DCDC1: variants seen among roughly 807,000 people sequenced by gnomAD.
DCDC1 encodes doublecortin domain containing 1.
Under a neutral mutation model 178.3 loss-of-function variants are expected in DCDC1, and 200 were observed. The ratio of observed to expected loss-of-function variants is 1.12; its 90% CI spans 1.00 to 1.26. DCDC1 has a LOEUF of 1.26. DCDC1 is among the 50% of genes most tolerant of loss of function. The pLI is 0.00. For missense variants in DCDC1, 1,983 were observed against 1,749.2 expected (o/e 1.13, Z -2.38); for synonymous variants, 690 against 604.8 (o/e 1.14, Z -2.07).
chr11:30,876,768 C>G (rs760863410), intron 38 of DCDC1, among the ~76,000 whole-genome samples: 2 of 151,990 alleles, frequency 1.3e-5, no homozygotes, highest in East Asian at 3.9e-4. Context: ...ACTTTTGCAC[C>G]TAGAGAGATG....
At chr11:31,037,460 T>C (rs1469406360) in intron 20 of DCDC1, among the ~76,000 whole-genome samples, 1 of 140,458 alleles carries the variant, frequency 7.1e-6, no homozygotes, top group African/African-American at 2.7e-5. Context: ...TGAGAAGGAG[T>C]CTCGCTCTGT....
intron 2 of DCDC1, among the ~76,000 whole-genome samples, chr11:31,329,843 AGT>A (rs1384083291): frequency 1.3e-5 from 2 of 152,202 alleles, no homozygotes; most frequent in African/African-American, 4.8e-5. Flanking sequence ...TATTGTGAAT[AGT>A]GCCACAATAA....
chr11:30,916,049 G>C (rs549301538), intron 26 of DCDC1, among the ~76,000 whole-genome samples: 4 of 152,112 alleles, frequency 2.6e-5, no homozygotes, highest in Non-Finnish European at 5.9e-5. Context: ...GAGAATGGGG[G>C]CAGGGGCATG....
rs59940255 is a variant in DCDC1, at chr11:30,884,033, A to ATTTTT, written c.5083-2730_5083-2726dup. Among the ~76,000 whole-genome samples, 155 of 95,772 alleles carry ATTTTT rather than the reference A, an allele frequency of 1.6e-3. 11 individuals are homozygous for ATTTTT. The South Asian group carries it at 0.027, about 17-fold the overall frequency. The allele number at this position is 95,772 out of a possible 152,430, so 62.8% of individuals were successfully genotyped here. A position where few individuals can be genotyped will look rare whatever the true frequency, so the allele number is the denominator to read the frequency against. ...AAAGAAAACCAAAGCATTCTTTCTC[A>ATTTTT]TTTTTTTTTTTTTTTGAGACAGGGT... On this transcript the variant is annotated intron_variant, in intron 36 of 38. Transcript: ENST00000684477.
intron 2 of DCDC1, among the ~76,000 whole-genome samples, chr11:31,330,518 T>C (rs1213907618): frequency 1.3e-5 from 2 of 152,228 alleles, no homozygotes; most frequent in African/African-American, 4.8e-5. Context: ...TTCTAGGGTT[T>C]TTATGGTTTT....
chr11:31,282,987 C>T (rs1449732287), intron 7 of DCDC1, among the ~76,000 whole-genome samples: 1 of 152,102 alleles, frequency 6.6e-6, no homozygotes, highest in African/African-American at 2.4e-5. Context: ...TAATGTGTTT[C>T]CTCCCCTCTG....
chr11:30,922,134 C>T (rs1946290012), intron 24 of DCDC1, among the ~76,000 whole-genome samples: 1 of 152,106 alleles, frequency 6.6e-6, no homozygotes, highest in African/African-American at 2.4e-5. Flanking sequence ...TGCTTTTTTT[C>T]TATCTTAGAG....
chr11:31,226,586 G>A (rs1470177520), intron 9 of DCDC1, among the ~76,000 whole-genome samples: 1 of 151,520 alleles, frequency 6.6e-6, no homozygotes, highest in African/African-American at 2.4e-5. Flanking sequence ...ACTATCCAAT[G>A]TTACATCAGA....
chr11:31,256,649 G>A (rs1270285789), intron 8 of DCDC1, among the ~76,000 whole-genome samples: 1 of 152,098 alleles, frequency 6.6e-6, no homozygotes, highest in Non-Finnish European at 1.5e-5. Context: ...CTTCAGCGGT[G>A]TCTAGCTGCC....
chr11:31,306,357 A>G lies in DCDC1; in HGVS notation c.466T>C (p.Ser156Pro), dbSNP rs1187480734. The G allele has an allele frequency of 1.2e-6, 2 of 1,608,056 alleles. No homozygotes were observed. The highest frequency in any genetic ancestry group is 2.2e-5 in the East Asian group (1 of 44,622). ...VAEFSSLKFQ[S>P]ARNWQKLSQR... is the part of the protein sequence containing the mutation. ...GACAATTTCTGCCAATTCCGGGCTG[A>G]CTGAAATTTTAAAGAAGAGAACTCT... The change falls in exon 5 of 39, where the codon TCA becomes CCA. Residue 156 changes from serine to proline, a missense_variant. Ser to Pro is a moderately conservative substitution (Grantham distance 74, BLOSUM62 -1). Coordinates refer to ENST00000684477, the MANE Select transcript of DCDC1 (RefSeq NM_001387274.1).
chr11:31,018,992 A>C (rs1198730133), intron 20 of DCDC1, among the ~76,000 whole-genome samples: 2 of 152,156 alleles, frequency 1.3e-5, no homozygotes, highest in Admixed American at 6.6e-5. Context: ...CAAGAGATGG[A>C]AAATAAGATG....
intron 20 of DCDC1, among the ~76,000 whole-genome samples, chr11:31,061,867 T>C (rs963091166): frequency 6.6e-6 from 1 of 152,102 alleles, no homozygotes; most frequent in African/African-American, 2.4e-5. Context: ...GGTCTTCTGG[T>C]ATGGCAGCTG....
chr11:30,931,894 G>A lies in DCDC1; in HGVS notation c.2774C>T (p.Pro925Leu). 6.2e-7 allele frequency: 1 copy of A among 1,613,042 alleles called. No individual in the cohort carries two copies. The change falls in exon 22 of 39, where the codon CCC becomes CTC. Residue 925 changes from proline (P) to leucine (L), a missense_variant. Physicochemically the swap from Pro to Leu is moderately conservative, Grantham distance 98. Coordinates refer to ENST00000684477, the MANE Select transcript of DCDC1 (RefSeq NM_001387274.1). ...LVPSSPPMKKPICKTTEPYAP... is the reference protein window; with the variant it reads ...LVPSSPPMKKLICKTTEPYAP... ...ATATGGCTCTGTTGTCTTACAGATG[G>A]GTTTCTTCATGGGAGGACTGCTCGG... is the stretch of plus-strand genomic sequence containing the variant.
intron 21 of DCDC1, among the ~76,000 whole-genome samples, chr11:30,934,343 G>A (rs890765647): frequency 2.6e-4 from 39 of 152,160 alleles, no homozygotes; most frequent in African/African-American, 9.4e-4. Context: ...AGGGTGAATG[G>A]AATGGCCAAT....
chr11:30,982,675 T>G (rs1590653024), intron 20 of DCDC1, among the ~76,000 whole-genome samples: 1 of 152,182 alleles, frequency 6.6e-6, no homozygotes, highest in East Asian at 1.9e-4. Flanking sequence ...AGATCGTATA[T>G]CTCTAAAGAG....
intron 20 of DCDC1, among the ~76,000 whole-genome samples, chr11:31,043,714 A>G (rs1332691323): frequency 6.6e-6 from 1 of 152,000 alleles, no homozygotes. Context: ...CCAAACCCTA[A>G]AGTAGGGTAT....
chr11:31,189,310 T>C (rs1411292267), intron 9 of DCDC1, among the ~76,000 whole-genome samples: 1 of 152,164 alleles, frequency 6.6e-6, no homozygotes, highest in Non-Finnish European at 1.5e-5. Flanking sequence ...ATTGGAAAAG[T>C]AGATAATGTC....
chr11:30,885,125 G>A (rs1943046793), intron 36 of DCDC1, among the ~76,000 whole-genome samples: 1 of 151,744 alleles, frequency 6.6e-6, no homozygotes, highest in Admixed American at 6.6e-5. Flanking sequence ...CATAACATTG[G>A]TATTCCAACT....
At chr11:30,909,839 T>C (rs1945322478) in intron 28 of DCDC1, among the ~76,000 whole-genome samples, 1 of 152,170 alleles carries the variant, frequency 6.6e-6, no homozygotes, top group Non-Finnish European at 1.5e-5. Context: ...ATTGTGAAAG[T>C]TGGCTCAAGT....
Sources: gnomAD v4.1 joint callset for allele counts (sites outside exome capture counted in the v4.1 genomes callset) on GRCh38, gnomAD v4.1.1 for gene constraint, MANE v1.5 for transcripts, NCBI Gene and HGNC (gene_info 2026-07-23, HGNC 2026-07-21) for gene names.